CRTAC1: variants seen among roughly 807,000 people sequenced by gnomAD.
CRTAC1 encodes cartilage acidic protein 1.
In CRTAC1, 37 loss-of-function variants were observed where a neutral mutation model predicts 67.8. The ratio of observed to expected loss-of-function variants is 0.55; its 90% CI spans 0.42 to 0.72. The LOEUF (loss-of-function observed/expected upper bound fraction) is 0.72, where lower values mean the gene tolerates loss of function less well. Among genes scored for constraint, CRTAC1 ranks in the 30% least tolerant of loss-of-function variants. The pLI is 0.00. For synonymous variants in CRTAC1, 348 were observed against 371.0 expected, an observed-to-expected ratio of 0.94 and a Z score of 0.71; for missense variants, 780 against 931.6, an observed-to-expected ratio of 0.84 and a Z score of 2.12.
chr10:98,013,933 G>A (rs1842952600), intron 1 of CRTAC1, among the ~76,000 whole-genome samples: 1 of 152,212 alleles, frequency 6.6e-6, no homozygotes. Flanking sequence ...TGAGACCAGG[G>A]AGAGAGTGGG....
chr10:97,869,018 A>G (rs2136525590), intron 14 of CRTAC1: 1 of 152,372 alleles, frequency 6.6e-6, no homozygotes, highest in South Asian at 2.1e-4. Context: ...ACGTTAAGTA[A>G]CTGGGAAATT....
At chr10:97,956,444 TAC>T (rs1174268878) in intron 2 of CRTAC1, among the ~76,000 whole-genome samples, 3 of 152,318 alleles carry the variant, frequency 2.0e-5, no homozygotes, top group South Asian at 2.1e-4. Context: ...CACACAATTA[TAC>T]TCTAGGGTCA....
chr10:97,906,689 G>C (rs936392151), intron 6 of CRTAC1, among the ~76,000 whole-genome samples: 2 of 152,206 alleles, frequency 1.3e-5, no homozygotes, highest in Non-Finnish European at 2.9e-5. Flanking sequence ...GGACAGGCCA[G>C]GGGAGTCCAA....
At chr10:97,947,832 C>T (rs972107780) in intron 2 of CRTAC1, among the ~76,000 whole-genome samples, 5 of 151,808 alleles carry the variant, frequency 3.3e-5, no homozygotes, top group Non-Finnish European at 5.9e-5. Context: ...TTGGGAGGAT[C>T]GCTTGAGACT....
At chr10:97,875,912 G>A (rs1313685461) in intron 14 of CRTAC1, 1 of 152,228 alleles carries the variant, frequency 6.6e-6, no homozygotes, top group Non-Finnish European at 1.5e-5. Context: ...CAACCGTGTA[G>A]ATGCTTGAAG....
chr10:97,973,860 G>C (rs1054026637), intron 2 of CRTAC1, among the ~76,000 whole-genome samples: 11 of 151,472 alleles, frequency 7.3e-5, no homozygotes, highest in Non-Finnish European at 1.3e-4. Flanking sequence ...TGTGTGGATA[G>C]GCCCTAGGGG....
intron 5 of CRTAC1, among the ~76,000 whole-genome samples, chr10:97,915,880 T>A (rs1223113516): frequency 6.6e-6 from 1 of 152,116 alleles, no homozygotes; most frequent in African/African-American, 2.4e-5. Flanking sequence ...CCTCTGTTCC[T>A]CCACCAAAGC....
At chr10:98,017,309 C>T (rs373205960) in intron 1 of CRTAC1, among the ~76,000 whole-genome samples, 4 of 152,090 alleles carry the variant, frequency 2.6e-5, no homozygotes, top group Non-Finnish European at 5.9e-5. Context: ...TGTAACACCC[C>T]GTGTAAAGGC....
Position 97,865,601 on chromosome 10 carries a change from C to T in CRTAC1, c.1933G>A (p.Gly645Arg). The T allele has an allele frequency of 3.1e-6, 5 of 1,613,574 alleles. No homozygotes were observed. Among genetic ancestry groups the T allele is most frequent in the Non-Finnish European group, 4.2e-6 (5 of 1,179,570 alleles). The change falls in exon 15 of 15, where the codon GGA (glycine) becomes AGA (arginine). Residue 645 changes from glycine to arginine, a missense_variant. By Grantham distance (125) the Gly-to-Arg change is moderately radical. Coordinates refer to ENST00000370597, the MANE Select transcript of CRTAC1 (RefSeq NM_018058.7). ...AATAAPVLVD[G>R]DLNLGSVVKE... ...ACCACCGACCCCAGATTGAGATCTC[C>T]ATCTACGAGGACCGGTGCAGCAGTG...
Position 97,904,694 on chromosome 10 carries a change from C to T in CRTAC1, c.971G>A (p.Ser324Asn), listed in dbSNP as rs1328223510. ...NGPHRLYLQM[S>N]THGKVRFRDI... ...CCGGAAGCGGACCTTCCCATGGGTG[C>T]TCATTTGCAGATAGAGGCGGTGGGG... is the stretch of plus-strand genomic sequence containing the variant. The change falls in exon 7 of 15, where the codon AGC (serine) becomes AAC (asparagine). Residue 324 changes from serine (S) to asparagine (N), a missense_variant. Coordinates refer to ENST00000370597, the MANE Select transcript of CRTAC1 (RefSeq NM_018058.7). 1.3e-6 allele frequency: 2 copies of T among 1,586,666 alleles called. No homozygotes were observed. Among genetic ancestry groups the T allele is most frequent in the African/African-American group, 2.7e-5 (2 of 73,508 alleles).
At chr10:97,944,308 T>G (rs1306244888) in intron 2 of CRTAC1, among the ~76,000 whole-genome samples, 1 of 152,048 alleles carries the variant, frequency 6.6e-6, no homozygotes, top group Admixed American at 6.6e-5. Context: ...GTGCACACCC[T>G]GTAATCCCAG....
At chr10:97,909,749 C>CA (rs2050663322) in intron 5 of CRTAC1, among the ~76,000 whole-genome samples, 1 of 152,178 alleles carries the variant, frequency 6.6e-6, no homozygotes, top group South Asian at 2.1e-4. Flanking sequence ...GAGATACCTG[C>CA]ACTCTGAGGT....
rs536267870 is a variant in CRTAC1 at position 97,975,690 on chromosome 10, C to CGG, written c.224+35446_224+35447dup. Reference sequence around the variant, plus strand: ...TCCTCCAAGCCTGCACAGCCTCACACGGGGGTAGGGCTGGGGGAGACGAGG... The same window carrying CGG: ...TCCTCCAAGCCTGCACAGCCTCACACGGGGGGGTAGGGCTGGGGGAGACGAGG... On this transcript the variant is annotated intron_variant, in intron 2 of 14. Transcript: ENST00000370597. The surrounding 1 kb of genome is among the most constrained non-coding windows in gnomAD (Gnocchi z 4.8). 2.6e-5 allele frequency among the ~76,000 whole-genome samples: 4 copies of CGG among 152,202 alleles called. No homozygotes were observed. The highest frequency in any genetic ancestry group is 9.6e-5 in the African/African-American group (4 of 41,454).
At chr10:97,935,243 T>G (rs1225880729) in intron 3 of CRTAC1, among the ~76,000 whole-genome samples, 2 of 152,234 alleles carry the variant, frequency 1.3e-5, no homozygotes, top group Non-Finnish European at 2.9e-5. Flanking sequence ...CAGTGGCATT[T>G]ACCAGTACCT....
intron 14 of CRTAC1, among the ~76,000 whole-genome samples, chr10:97,873,088 G>A (rs2050110532): frequency 6.6e-6 from 1 of 152,198 alleles, no homozygotes; most frequent in Admixed American, 6.5e-5. Context: ...ACAACTCTAT[G>A]AGGATTTTAT....
chr10:97,872,430 C>T (rs1241857001), intron 14 of CRTAC1, among the ~76,000 whole-genome samples: 1 of 152,170 alleles, frequency 6.6e-6, no homozygotes, highest in East Asian at 1.9e-4. Context: ...GACATTGTGG[C>T]TCTGCTCATG....
At position 97,996,937 on chromosome 10, in the gene CRTAC1, G is replaced by C. The variant is rs532542055; in HGVS notation, c.224+14201C>G. Reference sequence around the variant, plus strand: ...ATGATGAGTTCATGTCCTTTGTAGGGACATGGATGAAATTGGAAATCATCA... The same window carrying C: ...ATGATGAGTTCATGTCCTTTGTAGGCACATGGATGAAATTGGAAATCATCA... On this transcript the variant is annotated intron_variant, in intron 2 of 14. Coordinates refer to ENST00000370597, the MANE Select transcript of CRTAC1 (RefSeq NM_018058.7). Among the ~76,000 whole-genome samples, 654 of 152,106 alleles carry C rather than the reference G, an allele frequency of 4.3e-3. 10 individuals carry two copies. Among genetic ancestry groups the C allele is most frequent in the African/African-American group, 0.013 (560 of 41,502 alleles).
intron 2 of CRTAC1, among the ~76,000 whole-genome samples, chr10:97,951,594 C>T (rs1284576852): frequency 1.3e-5 from 2 of 152,100 alleles, no homozygotes; most frequent in Non-Finnish European, 2.9e-5. Flanking sequence ...GAGAAAGTAC[C>T]AAATTGTACC....
At chr10:97,904,889 T>G in intron 6 of CRTAC1, 75 bp from the exon 7 acceptor site, 10 of 1,450,538 alleles carry the variant, frequency 6.9e-6, no homozygotes, top group Non-Finnish European at 6.4e-6. Context: ...GCTCTAGCTC[T>G]GTGACAAGCA....
Sources: gnomAD v4.1 joint callset for allele counts (sites outside exome capture counted in the v4.1 genomes callset) on GRCh38, gnomAD v4.1.1 for gene constraint, Gnocchi (gnomAD v3.1) non-coding constraint, MANE v1.5 for transcripts, NCBI Gene and HGNC (gene_info 2026-07-23, HGNC 2026-07-21) for gene names.